Variants in MROH6 observed in about 807,000 individuals in gnomAD.
MROH6 encodes maestro heat-like repeat-containing protein family member 6.
Under a neutral mutation model 67.7 loss-of-function variants are expected in MROH6, and 62 were observed. That is an observed-to-expected ratio of 0.92 (90% CI 0.75 to 1.13). MROH6 has a LOEUF of 1.13. Among genes scored for constraint, MROH6 ranks in the 50% most tolerant of loss-of-function variants. The pLI, the probability that MROH6 is intolerant of heterozygous loss-of-function variation, is 0.00. For synonymous variants in MROH6, 566 were observed against 470.8 expected, an observed-to-expected ratio of 1.20 and a Z score of -2.62; for missense variants, 1,175 against 1,029.1, an observed-to-expected ratio of 1.14 and a Z score of -1.94.
intron 9 of MROH6, 115 bp from the exon 10 acceptor site, chr8:143,568,834 G>C (rs977219600): frequency 9.1e-6 from 7 of 771,800 alleles, no homozygotes; most frequent in Non-Finnish European, 1.4e-5. Context: ...TGCTGACTCG[G>C]TGTGATCTGG....
chr8:143,567,735 C>T (rs1823707325), intron 12 of MROH6, 51 bp downstream of exon 12: 6 of 1,570,462 alleles, frequency 3.8e-6, no homozygotes, highest in Non-Finnish European at 5.2e-6. Flanking sequence ...GAGGCTGGCC[C>T]AGCTCCCAAA....
At chr8:143,568,482 G>A (rs1823765777) in intron 10 of MROH6, 70 bp downstream of exon 10, 1 of 1,460,260 alleles carries the variant, frequency 6.8e-7, no homozygotes, top group African/African-American at 1.4e-5. Context: ...GTAATTGTCG[G>A]AGGGGAGGCA....
rs369004065 is a variant in MROH6, at chr8:143,570,916, C to T, written c.681G>A (p.Ala227=). 1.6e-4 allele frequency: 243 copies of T among 1,548,540 alleles called. 2 individuals are homozygous for T. The African/African-American group carries it at 2.6e-3, about 17-fold the overall frequency. Residue 227 remains alanine, a synonymous_variant, in exon 4 of 14, where the codon GCG becomes GCA. Coordinates refer to ENST00000398882, the MANE Select transcript of MROH6 (RefSeq NM_001100878.2). The part of the protein sequence containing the change: ...NGQVLVQLLW[A]LKGASGPEPQ... ...GCTCCGGCCCCGAAGCACCCTTCAG[C>T]GCCCACAGCAGTTGCACCAGCACCT... is the stretch of plus-strand genomic sequence containing the variant.
chr8:143,569,360 G>T (rs1411562360), intron 9 of MROH6, 81 bp downstream of exon 9: 2 of 1,243,800 alleles, frequency 1.6e-6, no homozygotes, highest in Middle Eastern at 2.9e-4. Context: ...AGACGGGGGC[G>T]GGGCCTGGGA....
chr8:143,567,801 C>A lies in MROH6; in HGVS notation c.1852G>T (p.Ala618Ser). 1 of 1,535,584 alleles carries A rather than the reference C, an allele frequency of 6.5e-7. No individual in the cohort carries two copies. Among genetic ancestry groups the A allele is most frequent in the Non-Finnish European group, 8.8e-7 (1 of 1,140,296 alleles). The change falls in exon 12 of 14, where the codon GCC (alanine) becomes TCC (serine). Residue 618 changes from alanine (A) to serine (S), a missense_variant. Transcript: ENST00000398882. ...GCGGCCTCACCTATAAGCACGGCGG[C>A]TGCCCGGCGCAGGGGGTCCTGTGGA... ...RSPQDPLRRA[A>S]AVLIGFLVHH...
In MROH6 at chr8:143,568,630, G is replaced by GCCGCGGAGCCCCAGCCGGAGC; in HGVS notation, c.1545_1565dup (p.Leu516_Gly522dup). The stretch of plus-strand genomic sequence containing the variant: ...TCTGCAGCACCAGCTTCCGCAGGGG[G>GCCGCGGAGCCCCAGCCGGAGC]CCGCGGAGCCCCAGCCGGAGCCCGC... On this transcript the variant is annotated inframe_insertion, in exon 10 of 14. Coordinates refer to ENST00000398882, the MANE Select transcript of MROH6 (RefSeq NM_001100878.2). 1 of 1,537,932 alleles carries GCCGCGGAGCCCCAGCCGGAGC rather than the reference G, an allele frequency of 6.5e-7. No homozygotes were observed. The highest frequency in any genetic ancestry group is 1.2e-5 in the South Asian group (1 of 84,300).
Position 143,567,374 on chromosome 8 carries a change from C to CG in MROH6, c.2024_2025insC (p.Cys677LeufsTer63). 8.1e-7 allele frequency: 1 copy of CG among 1,235,298 alleles called. No individual in the cohort carries two copies. The highest frequency in any genetic ancestry group is 1.0e-6 in the Non-Finnish European group (1 of 989,096). The allele number at this position is 1,235,298 out of a possible 1,614,324, so 76.5% of individuals were successfully genotyped here. The stretch of plus-strand genomic sequence containing the variant: ...GAAGGCGGGGCCCGCGGGGGCAGCC[C>CG]CGGGCACGGGCCAGCATCGCCACCT... On this transcript the variant is annotated frameshift_variant, in exon 14 of 14. Coordinates refer to ENST00000398882, the MANE Select transcript of MROH6 (RefSeq NM_001100878.2). LOFTEE classifies it low-confidence loss of function (END_TRUNC).
rs1823649871 is a variant in MROH6, at chr8:143,567,084, G to A, written c.*155C>T. On this transcript the variant is annotated 3_prime_UTR_variant, in exon 14 of 14. Coordinates refer to ENST00000398882, the MANE Select transcript of MROH6 (RefSeq NM_001100878.2). ...CCCCCTCTGTCACCATCAGGGTGGT[G>A]GGTGCCTGAAGAGGGGTCACGGGGG... 5.4e-6 allele frequency: 2 copies of A among 366,986 alleles called. No individual in the cohort carries two copies. The highest frequency in any genetic ancestry group is 4.3e-5 in the African/African-American group (2 of 46,262). 22.7% of individuals were successfully genotyped at this position (366,986 alleles called of 1,614,324 possible).
intron 4 of MROH6, 88 bp downstream of exon 4, chr8:143,570,789 A>T (rs1243632542): frequency 7.1e-7 from 1 of 1,400,170 alleles, no homozygotes; most frequent in African/African-American, 1.4e-5. Flanking sequence ...GCAGTTACCT[A>T]GGTGCAAACT....
rs1166433580 is a variant in MROH6, at chr8:143,566,745, G to A, written c.*494C>T. The A allele has an allele frequency of 2.0e-5, 3 of 152,738 alleles. No individual in the cohort carries two copies. 9.5% of individuals were successfully genotyped at this position (152,738 alleles called of 1,614,324 possible). ...GCACAGCAGGTGTGGCCGGGAGACA[G>A]GTCAATAATTTTGAGCAGAGAGGAT... On this transcript the variant is annotated 3_prime_UTR_variant, in exon 14 of 14. Transcript: ENST00000398882.
intron 9 of MROH6, chr8:143,568,922 TG>T: frequency 7.3e-6 from 3 of 410,358 alleles, no homozygotes; most frequent in Middle Eastern, 6.0e-4. Context: ...CTTGAAGGGA[TG>T]GGGTCCGGAA....
chr8:143,567,419 T>A lies in MROH6; in HGVS notation c.1980A>T (p.Ala660=). 21 of 1,321,110 alleles carry A rather than the reference T, an allele frequency of 1.6e-5. No individual in the cohort carries two copies. The highest frequency in any genetic ancestry group is 2.0e-5 in the Non-Finnish European group (21 of 1,034,814). The allele number at this position is 1,321,110 out of a possible 1,614,324, so 81.8% of individuals were successfully genotyped here. ...QSDPKPAVAA[A]AHVSAQQVAM... ...CCACCTGCTGAGCGGACACGTGCGC[T>A]GCCGCGGCCACAGCCGGCTTGGGGT... Residue 660 remains alanine, a synonymous_variant, in exon 14 of 14, where the codon GCA becomes GCT. Transcript: ENST00000398882.
chr8:143,570,315 A>G lies in MROH6; in HGVS notation c.971T>C (p.Met324Thr), dbSNP rs375071737. ...GDGGRMVVTC[M>T]EQAGGWRRLV... is the part of the protein sequence containing the mutation. ...CCTCCTCCAGCCTCCTGCCTGCTCC[A>G]TGCACGTGACCACCATGCGGCCTCC... Residue 324 changes from methionine to threonine, a missense_variant, in exon 6 of 14, where the codon ATG (methionine) becomes ACG (threonine). Coordinates refer to ENST00000398882, the MANE Select transcript of MROH6 (RefSeq NM_001100878.2). The G allele has an allele frequency of 9.3e-6, 15 of 1,609,646 alleles. No individual in the cohort carries two copies. The African/African-American group carries it at 1.5e-4, about 16-fold the overall frequency.
intron 3 of MROH6, 30 bp downstream of exon 3, chr8:143,571,637 G>T: frequency 8.4e-6 from 13 of 1,554,844 alleles, no homozygotes; most frequent in Non-Finnish European, 1.0e-5. Context: ...AAGCCGCGTG[G>T]GGACCGCAGG....
intron 6 of MROH6, 77 bp from the exon 7 acceptor site, chr8:143,570,142 C>T (rs191858745): frequency 1.0e-5 from 16 of 1,566,348 alleles, no homozygotes; most frequent in South Asian, 3.4e-5. Context: ...CCAACACCAC[C>T]CTCATGCCCC....
Position 143,567,468 on chromosome 8 carries a change from G to C in MROH6, c.1934-3C>G. ...GTCGCTCTGCAGTCGCCCTAGGTCT[G>C]CGAGGAGATCGCGGCTCAGGCTGGG... On this transcript the variant is annotated splice_region_variant and splice_polypyrimidine_tract_variant and intron_variant, in intron 13 of 13. Coordinates refer to ENST00000398882, the MANE Select transcript of MROH6 (RefSeq NM_001100878.2). 2 of 1,421,962 alleles carry C rather than the reference G, an allele frequency of 1.4e-6. No homozygotes were observed. The highest frequency in any genetic ancestry group is 1.8e-6 in the Non-Finnish European group (2 of 1,084,622). 88.1% of individuals were successfully genotyped at this position (1,421,962 alleles called of 1,614,324 possible).
chr8:143,571,045 GGGAATGTA>G, intron 3 of MROH6, 51 bp from the exon 4 acceptor site: 2 of 1,472,298 alleles, frequency 1.4e-6, no homozygotes, highest in Non-Finnish European at 1.9e-6. Flanking sequence ...TGGGTGTCCA[GGGAATGTA>G]GGGAGTCCCC....
rs777357587 is a variant in MROH6 at position 143,567,808 on chromosome 8, G to C, written c.1845C>G (p.Arg615=). The part of the protein sequence containing the change: ...GYLRSPQDPL[R]RAAAVLIGFL... ...CACCTATAAGCACGGCGGCTGCCCG[G>C]CGCAGGGGGTCCTGTGGACTCCGCA... The change falls in exon 12 of 14, where the codon CGC becomes CGG. Residue 615 remains arginine, a synonymous_variant. Transcript: ENST00000398882. 15 of 1,537,070 alleles carry C rather than the reference G, an allele frequency of 9.8e-6. No individual in the cohort carries two copies. In the African/African-American group the frequency reaches 2.1e-4, roughly 21 times the overall value.
At chr8:143,567,550 A>C in intron 13 of MROH6, 61 bp downstream of exon 13, 1 of 1,500,880 alleles carries the variant, frequency 6.7e-7, no homozygotes, top group South Asian at 1.3e-5. Flanking sequence ...GCTCCCGTCC[A>C]CTCCGCCCTA....
Sources: gnomAD v4.1 joint callset for allele counts on GRCh38, gnomAD v4.1.1 for gene constraint, MANE v1.5 for transcripts, NCBI Gene and HGNC (gene_info 2026-07-23, HGNC 2026-07-21) for gene names.